Variants in PIN1 observed in about 807,000 individuals in gnomAD.
PIN1 encodes the protein peptidyl-prolyl cis-trans isomerase NIMA-interacting 1.
Under a neutral mutation model 19.9 loss-of-function variants are expected in PIN1, and 8 were observed. That is an observed-to-expected ratio of 0.40 (90% CI 0.24 to 0.72). The LOEUF (loss-of-function observed/expected upper bound fraction) is 0.72. Among genes scored for constraint, PIN1 ranks in the 30% least tolerant of loss-of-function variants. PIN1 has a pLI of 0.37. For synonymous variants in PIN1, 86 were observed against 90.8 expected, an observed-to-expected ratio of 0.95 and a Z score of 0.30; for missense variants, 185 against 226.5, an observed-to-expected ratio of 0.82 and a Z score of 1.18.
rs975080589 is a variant in PIN1, at chr19:9,838,945, G to T, written c.271+297G>T. 2.0e-5 allele frequency among the ~76,000 whole-genome samples: 3 copies of T among 152,124 alleles called. No individual in the cohort carries two copies. The highest frequency in any genetic ancestry group is 7.2e-5 in the African/African-American group (3 of 41,418). ...CTCTGTGACCTTTGGGAGGGGACTCGTGTCACCTCCCCTAGACTCAGCTTT... is the reference window on the plus strand; with the variant it reads ...CTCTGTGACCTTTGGGAGGGGACTCTTGTCACCTCCCCTAGACTCAGCTTT... On this transcript the variant is annotated intron_variant, in intron 2 of 3. Coordinates refer to ENST00000247970, the MANE Select transcript of PIN1 (RefSeq NM_006221.4). This position sits in a 1 kb window ranked among gnomAD's most constrained non-coding sequence, Gnocchi z 5.8.
In PIN1 at chr19:9,838,285, G is replaced by A; in HGVS notation, c.59-151G>A. The A allele has an allele frequency of 1.4e-6, 1 of 712,618 alleles. No individual in the cohort carries two copies. Among genetic ancestry groups the A allele is most frequent in the Non-Finnish European group, 2.6e-6 (1 of 387,046 alleles). The allele number at this position is 712,618 out of a possible 1,614,324, so 44.1% of individuals were successfully genotyped here. Reference sequence around the variant, plus strand: ...ATCCTGCCACATTGGCCCACGTCTGGAGAGCCTGTGGCACATGGTGGATAC... The same window carrying A: ...ATCCTGCCACATTGGCCCACGTCTGAAGAGCCTGTGGCACATGGTGGATAC... On this transcript the variant is annotated intron_variant, in intron 1 of 3. Transcript: ENST00000247970. The surrounding 1 kb of genome is among the most constrained non-coding windows in gnomAD (Gnocchi z 5.8).
intron 2 of PIN1, among the ~76,000 whole-genome samples, chr19:9,841,752 G>C (rs1318050171): frequency 2.0e-5 from 3 of 152,200 alleles, no homozygotes; most frequent in Non-Finnish European, 2.9e-5. Flanking sequence ...AGCCAGGAGA[G>C]AATTGCAAGA....
At chr19:9,840,710 C>G (rs898169615) in intron 2 of PIN1, among the ~76,000 whole-genome samples, 2 of 152,170 alleles carry the variant, frequency 1.3e-5, no homozygotes, top group Admixed American at 6.5e-5. Context: ...GATCCTCCCA[C>G]CTCAGCCTCC....
chr19:9,838,674 G>T lies in PIN1; in HGVS notation c.271+26G>T. The T allele has an allele frequency of 6.6e-7, 1 of 1,506,448 alleles. No individual in the cohort carries two copies. Among genetic ancestry groups the T allele is most frequent in the South Asian group, 1.2e-5 (1 of 83,400 alleles). 93.3% of individuals were successfully genotyped at this position (1,506,448 alleles called of 1,614,324 possible). ...GTGAGCAGGGCGAGGGCAGGGGCTT[G>T]GGAGGGGGTCTTCTCCCAGGTGAGC... On this transcript the variant is annotated intron_variant, in intron 2 of 3. Transcript: ENST00000247970. This position sits in a 1 kb window ranked among gnomAD's most constrained non-coding sequence, Gnocchi z 5.8.
chr19:9,844,645 GGGGCTCCAGCACCCGACA>G (rs2046201380), intron 2 of PIN1, among the ~76,000 whole-genome samples: 1 of 152,192 alleles, frequency 6.6e-6, no homozygotes, highest in Non-Finnish European at 1.5e-5. Context: ...GAATCAGGAT[GGGGCTCCAGCACCCGACA>G]GTCCCCATCA....
intron 2 of PIN1, among the ~76,000 whole-genome samples, chr19:9,839,214 A>T (rs1268155170): frequency 6.6e-6 from 1 of 152,028 alleles, no homozygotes; most frequent in African/African-American, 2.4e-5. Flanking sequence ...AGGGCAGATC[A>T]CCTGAGGTCA....
chr19:9,847,687 C>CGT (rs369827332), intron 2 of PIN1, among the ~76,000 whole-genome samples: 26 of 125,502 alleles, frequency 2.1e-4, no homozygotes, highest in African/African-American at 3.8e-4. Context: ...TTTTCCCTCA[C>CGT]GTGTGTGTGT....
chr19:9,843,635 G>A (rs2046190695), intron 2 of PIN1, among the ~76,000 whole-genome samples: 1 of 152,200 alleles, frequency 6.6e-6, no homozygotes, highest in Non-Finnish European at 1.5e-5. Context: ...TTCTGTTCCT[G>A]GCGAGAACCC....
At chr19:9,843,400 T>C (rs1027721580) in intron 2 of PIN1, among the ~76,000 whole-genome samples, 1 of 152,258 alleles carries the variant, frequency 6.6e-6, no homozygotes, top group Non-Finnish European at 1.5e-5. Context: ...GGGGGAAGTA[T>C]GCTGGAAGCA....
At chr19:9,836,993 T>C in intron 1 of PIN1, 1 of 517,288 alleles carries the variant, frequency 1.9e-6, no homozygotes, top group Non-Finnish European at 3.5e-6. Context: ...TAGTGCTTTC[T>C]TATTATTATT....
At chr19:9,847,580 C>A (rs1283817215) in intron 2 of PIN1, among the ~76,000 whole-genome samples, 2 of 152,236 alleles carry the variant, frequency 1.3e-5, no homozygotes, top group South Asian at 4.1e-4. Flanking sequence ...GACAGCTCTC[C>A]CACCTCTGCC....
At position 9,838,684 on chromosome 19, in the gene PIN1, C is replaced by A; in HGVS notation, c.271+36C>A. ...CGAGGGCAGGGGCTTGGGAGGGGGTCTTCTCCCAGGTGAGCCTTTGTAGAA... is the reference window on the plus strand; with the variant it reads ...CGAGGGCAGGGGCTTGGGAGGGGGTATTCTCCCAGGTGAGCCTTTGTAGAA... On this transcript the variant is annotated intron_variant, in intron 2 of 3. Transcript: ENST00000247970. The surrounding 1 kb of genome is among the most constrained non-coding windows in gnomAD (Gnocchi z 5.8). 1 of 1,475,124 alleles carries A rather than the reference C, an allele frequency of 6.8e-7. No individual in the cohort carries two copies. Among genetic ancestry groups the A allele is most frequent in the South Asian group, 1.2e-5 (1 of 82,514 alleles). 91.4% of individuals were successfully genotyped at this position (1,475,124 alleles called of 1,614,324 possible). A position where few individuals can be genotyped will look rare whatever the true frequency, so the allele number is the denominator to read the frequency against.
chr19:9,842,487 G>A (rs894451845), intron 2 of PIN1, among the ~76,000 whole-genome samples: 5 of 152,158 alleles, frequency 3.3e-5, no homozygotes, highest in African/African-American at 9.7e-5. Flanking sequence ...GGGTGTGGAC[G>A]ATGGGGGAGC....
Position 9,838,234 on chromosome 19 carries a change from G to A in PIN1, c.59-202G>A, listed in dbSNP as rs1324988283. The A allele has an allele frequency of 3.1e-6, 2 of 641,502 alleles. No homozygotes were observed. Among genetic ancestry groups the A allele is most frequent in the East Asian group, 5.5e-5 (2 of 36,498 alleles). The allele number at this position is 641,502 out of a possible 1,614,324, so 39.7% of individuals were successfully genotyped here. On this transcript the variant is annotated intron_variant, in intron 1 of 3. Transcript: ENST00000247970. The surrounding 1 kb of genome is among the most constrained non-coding windows in gnomAD (Gnocchi z 5.8). ...GCACCTGTCTGCTCTCACCTAGAAT[G>A]TTAGCTCTCTAAGGGCAGGGACTGT...
At chr19:9,847,249 C>G (rs973834952) in intron 2 of PIN1, among the ~76,000 whole-genome samples, 1 of 152,176 alleles carries the variant, frequency 6.6e-6, no homozygotes, top group Non-Finnish European at 1.5e-5. Flanking sequence ...CTGCTGCCGT[C>G]TTGCCCCCTC....
At chr19:9,839,679 A>G (rs867941433) in intron 2 of PIN1, among the ~76,000 whole-genome samples, 4 of 152,176 alleles carry the variant, frequency 2.6e-5, no homozygotes, top group Non-Finnish European at 5.9e-5. Context: ...AAACTTTACT[A>G]TTTACAAAAT....
rs1014158406 is a variant in PIN1, at chr19:9,846,215, A to T, written c.272-1815A>T. Reference sequence around the variant, plus strand: ...AGAAGCCTCTGTAATGTGCCATCCCAACAGAAGCTGGGGCCCTGTATGGCA... The same window carrying T: ...AGAAGCCTCTGTAATGTGCCATCCCTACAGAAGCTGGGGCCCTGTATGGCA... On this transcript the variant is annotated intron_variant, in intron 2 of 3. Coordinates refer to ENST00000247970, the MANE Select transcript of PIN1 (RefSeq NM_006221.4). The surrounding 1 kb of genome is among the most constrained non-coding windows in gnomAD (Gnocchi z 5.9). Among the ~76,000 whole-genome samples the T allele has an allele frequency of 2.5e-4, 38 of 152,216 alleles. No homozygotes were observed. The highest frequency in any genetic ancestry group is 8.4e-4 in the African/African-American group (35 of 41,454).
chr19:9,848,630 A>C, intron 3 of PIN1: 2 of 237,252 alleles, frequency 8.4e-6, no homozygotes. Context: ...CCTCCTCTTC[A>C]GTCCTCGGGG....
chr19:9,846,618 C>T lies in PIN1; in HGVS notation c.272-1412C>T, dbSNP rs1029870072. Among the ~76,000 whole-genome samples, 3 of 152,124 alleles carry T rather than the reference C, an allele frequency of 2.0e-5. No homozygotes were observed. Among genetic ancestry groups the T allele is most frequent in the Non-Finnish European group, 4.4e-5 (3 of 68,020 alleles). On this transcript the variant is annotated intron_variant, in intron 2 of 3. Transcript: ENST00000247970. The surrounding 1 kb of genome is among the most constrained non-coding windows in gnomAD (Gnocchi z 5.9). ...GCGTGAGGCCGAGGGGCCCTGGGGA[C>T]ACTTGGATCAGTCCAGTGTGTTCAG...
Sources: allele counts gnomAD v4.1 joint callset (sites outside exome capture counted in the v4.1 genomes callset), GRCh38; gene constraint gnomAD v4.1.1; non-coding constraint Gnocchi (gnomAD v3.1); transcripts MANE v1.5; gene names NCBI Gene and HGNC (gene_info 2026-07-23, HGNC 2026-07-21).